Variants in NLGN1 observed in about 807,000 individuals in gnomAD.
The protein encoded by NLGN1 is neuroligin 1.
A neutral mutation model predicts 65.5 loss-of-function variants in NLGN1; 12 were observed. That is an observed-to-expected ratio of 0.18 (90% CI 0.12 to 0.30). The LOEUF (loss-of-function observed/expected upper bound fraction) is 0.30. Ranked by LOEUF, NLGN1 falls within the 10% of genes least tolerant of loss-of-function variation. NLGN1 has a pLI of 1.00. For synonymous variants in NLGN1, 350 were observed against 359.5 expected (o/e 0.97, Z 0.30); for missense variants, 750 against 1,007.1 (o/e 0.74, Z 3.46).
At chr3:174,135,831 A>G (rs1721108267) in intron 4 of NLGN1, among the ~76,000 whole-genome samples, 1 of 152,172 alleles carries the variant, frequency 6.6e-6, no homozygotes, top group Non-Finnish European at 1.5e-5. Context: ...TTAAGCTAGT[A>G]CTTTTAGGAA....
chr3:173,608,260 C>T (rs752746300), intron 3 of NLGN1, among the ~76,000 whole-genome samples: 3 of 151,826 alleles, frequency 2.0e-5, no homozygotes, highest in Non-Finnish European at 4.4e-5. Flanking sequence ...ACTTTTTAAT[C>T]TGTTTTTTAA....
At chr3:173,856,441 G>A (rs1727995046) in intron 4 of NLGN1, among the ~76,000 whole-genome samples, 1 of 152,082 alleles carries the variant, frequency 6.6e-6, no homozygotes, top group Non-Finnish European at 1.5e-5. Flanking sequence ...CAGTCAAATT[G>A]AGAATATAAG....
chr3:173,633,465 A>G (rs13081087), intron 3 of NLGN1, among the ~76,000 whole-genome samples: 80,951 of 152,038 alleles, frequency 0.53, 23,268 homozygotes, highest in East Asian at 0.69. Flanking sequence ...ATTGAGCTAC[A>G]AGGTAAGTGT....
chr3:174,143,298 C>G (rs1458832261), intron 4 of NLGN1, among the ~76,000 whole-genome samples: 9 of 152,106 alleles, frequency 5.9e-5, no homozygotes, highest in Non-Finnish European at 1.3e-4. Context: ...AGCAGGAAGA[C>G]AAGTGAAGCC....
rs540941932 is a variant in NLGN1, at chr3:173,495,462, A to G, written c.-321+60384A>G. Among the ~76,000 whole-genome samples, 9 of 151,760 alleles carry G rather than the reference A, an allele frequency of 5.9e-5. No homozygotes were observed. The South Asian group carries it at 1.4e-3, about 24-fold the overall frequency. On this transcript the variant is annotated intron_variant, in intron 2 of 6. Coordinates refer to ENST00000457714, the Ensembl canonical transcript of NLGN1. ...TTTTACTTCTACCCTTCTAATGTTT[A>G]TACATTTTATTTCTTTCTCTTATTG...
At chr3:173,981,154 C>A (rs2152393287) in intron 4 of NLGN1, among the ~76,000 whole-genome samples, 1 of 152,266 alleles carries the variant, frequency 6.6e-6, no homozygotes, top group Non-Finnish European at 1.5e-5. Context: ...ATCCTCTGGG[C>A]TTCCTCATGT....
intron 1 of NLGN1, among the ~76,000 whole-genome samples, chr3:173,433,785 C>A (rs890950199): frequency 6.6e-6 from 1 of 152,038 alleles, no homozygotes; most frequent in Non-Finnish European, 1.5e-5. Context: ...TCACTTTATG[C>A]GTAATGGAAG....
chr3:173,737,327 G>C (rs1010654537), intron 3 of NLGN1, among the ~76,000 whole-genome samples: 1 of 151,830 alleles, frequency 6.6e-6, no homozygotes, highest in African/African-American at 2.4e-5. Flanking sequence ...TATATTCACA[G>C]AGTTGTGCAA....
chr3:173,758,438 A>G lies in NLGN1; in HGVS notation c.494-49242A>G, dbSNP rs546377745. Among the ~76,000 whole-genome samples, 29 of 152,190 alleles carry G rather than the reference A, an allele frequency of 1.9e-4. No homozygotes were observed. The East Asian group carries it at 5.4e-3, about 28-fold the overall frequency. On this transcript the variant is annotated intron_variant, in intron 3 of 6. Transcript: ENST00000457714. Reference sequence around the variant, plus strand: ...TTTCTGACCATGTCAATAAAACAGAATGTGATTAGAATTTAAATTCTCTTT... The same window carrying G: ...TTTCTGACCATGTCAATAAAACAGAGTGTGATTAGAATTTAAATTCTCTTT...
At chr3:173,495,433 G>A (rs1325275983) in intron 2 of NLGN1, among the ~76,000 whole-genome samples, 1 of 151,338 alleles carries the variant, frequency 6.6e-6, no homozygotes, top group Non-Finnish European at 1.5e-5. Flanking sequence ...GGAAATATAG[G>A]TGGTTTTACT....
chr3:173,536,905 A>G (rs1004973927), intron 2 of NLGN1, among the ~76,000 whole-genome samples: 1 of 152,210 alleles, frequency 6.6e-6, no homozygotes, highest in Non-Finnish European at 1.5e-5. Context: ...CTGAGTCCAA[A>G]GGCCTGAGAA....
At chr3:173,806,651 A>G (rs923653912) in intron 3 of NLGN1, among the ~76,000 whole-genome samples, 1 of 152,160 alleles carries the variant, frequency 6.6e-6, no homozygotes, top group Non-Finnish European at 1.5e-5. Context: ...ATACGTAGAT[A>G]GAACTATGTT....
At chr3:173,567,709 T>C (rs1019291430) in intron 2 of NLGN1, among the ~76,000 whole-genome samples, 1 of 152,018 alleles carries the variant, frequency 6.6e-6, no homozygotes, top group African/African-American at 2.4e-5. Context: ...ATTTTGCTGC[T>C]ATAAATTATT....
intron 2 of NLGN1, among the ~76,000 whole-genome samples, chr3:173,503,170 C>T (rs1472622973): frequency 6.6e-6 from 1 of 151,940 alleles, no homozygotes; most frequent in Non-Finnish European, 1.5e-5. Context: ...CCTGACCTTA[C>T]AAGTATTAAG....
intron 4 of NLGN1, among the ~76,000 whole-genome samples, chr3:174,237,860 A>T (rs1487603893): frequency 6.6e-6 from 1 of 152,130 alleles, no homozygotes; most frequent in Non-Finnish European, 1.5e-5. Flanking sequence ...CCTGGCCAGG[A>T]TAAAATTTTT....
chr3:173,584,273 G>T (rs79273127), intron 2 of NLGN1, among the ~76,000 whole-genome samples: 6 of 151,206 alleles, frequency 4.0e-5, no homozygotes, highest in Non-Finnish European at 1.5e-5. Flanking sequence ...GAGGAGAGGG[G>T]ATGGGAAAAA....
chr3:173,854,828 G>C (rs1243982099), intron 4 of NLGN1, among the ~76,000 whole-genome samples: 1 of 152,038 alleles, frequency 6.6e-6, no homozygotes, highest in Non-Finnish European at 1.5e-5. Context: ...ATGTTTAGCA[G>C]GGTGAACTTA....
rs1162900935 is a variant in NLGN1, at chr3:173,686,849, A to T, written c.493+81758A>T. Among the ~76,000 whole-genome samples, 3 of 152,096 alleles carry T rather than the reference A, an allele frequency of 2.0e-5. No homozygotes were observed. The East Asian group carries it at 5.8e-4, about 29-fold the overall frequency. On this transcript the variant is annotated intron_variant, in intron 3 of 6. Transcript: ENST00000457714. ...GCGCCTGTAATTCCAGCTACTCAGG[A>T]GGCTGAGGCAGGAGAATTGCTTGAA...
chr3:173,654,999 C>T (rs1759774363), intron 3 of NLGN1, among the ~76,000 whole-genome samples: 1 of 152,106 alleles, frequency 6.6e-6, no homozygotes, highest in African/African-American at 2.4e-5. Flanking sequence ...CCATGGTAGC[C>T]ATATGACCTT....
Sources: allele counts gnomAD v4.1 joint callset (sites outside exome capture counted in the v4.1 genomes callset), GRCh38; gene constraint gnomAD v4.1.1; transcripts MANE v1.5; gene names NCBI Gene and HGNC (gene_info 2026-07-23, HGNC 2026-07-21).